The following RAD51B variants were observed in gnomAD, a reference collection of about 807,000 sequenced individuals.
RAD51B encodes the protein DNA repair protein RAD51 homolog 2.
In RAD51B, 38 loss-of-function variants were observed where a neutral mutation model predicts 42.2. The observed-to-expected ratio is 0.90, with a 90% confidence interval of 0.70 to 1.18. RAD51B has a LOEUF of 1.18. Ranked by LOEUF, RAD51B falls within the 50% of genes most tolerant of loss-of-function variation. The probability of loss-of-function intolerance (pLI) is 0.00; values close to 1 mark genes in which losing one functional copy is unlikely to be tolerated. For synonymous variants in RAD51B, 154 were observed against 145.2 expected, an observed-to-expected ratio of 1.06 and a Z score of -0.43; for missense variants, 373 against 400.7, an observed-to-expected ratio of 0.93 and a Z score of 0.59.
At chr14:67,952,424 C>T (rs1254331664) in intron 7 of RAD51B, among the ~76,000 whole-genome samples, 3 of 152,080 alleles carry the variant, frequency 2.0e-5, no homozygotes, top group Non-Finnish European at 2.9e-5. Flanking sequence ...TTAAACCTTG[C>T]CATACACTCT....
intron 7 of RAD51B, among the ~76,000 whole-genome samples, chr14:68,187,248 G>A (rs2079176883): frequency 1.3e-5 from 2 of 152,184 alleles, no homozygotes; most frequent in Admixed American, 1.3e-4. Flanking sequence ...AAAACTAACT[G>A]TTGAGTGCTG....
At chr14:67,827,497 G>A (rs765127745) in intron 3 of RAD51B, among the ~76,000 whole-genome samples, 10 of 151,410 alleles carry the variant, frequency 6.6e-5, no homozygotes, top group East Asian at 3.9e-4. Context: ...TGTAAGTTCC[G>A]GGGTACATGT....
intron 10 of RAD51B, among the ~76,000 whole-genome samples, chr14:68,538,261 G>T (rs1887757531): frequency 6.6e-6 from 1 of 152,208 alleles, no homozygotes; most frequent in African/African-American, 2.4e-5. Context: ...GCCAAGGGGA[G>T]GCTGTTTGAG....
At chr14:67,962,017 A>T (rs2074680279) in intron 7 of RAD51B, among the ~76,000 whole-genome samples, 1 of 152,214 alleles carries the variant, frequency 6.6e-6, no homozygotes, top group Non-Finnish European at 1.5e-5. Flanking sequence ...TCATATTGTT[A>T]AAAAGTGAGT....
chr14:68,449,519 T>TGCTCCAGATCACC (rs550015693), intron 9 of RAD51B, among the ~76,000 whole-genome samples: 67 of 152,162 alleles, frequency 4.4e-4, no homozygotes, highest in Admixed American at 7.9e-4. Flanking sequence ...CTCAGAAAAC[T>TGCTCCAGATCACC]GCTCCAGATC....
intron 10 of RAD51B, among the ~76,000 whole-genome samples, chr14:68,558,977 A>G (rs1433000757): frequency 6.6e-6 from 1 of 151,992 alleles, no homozygotes; most frequent in Non-Finnish European, 1.5e-5. Context: ...ATAGTGTCAT[A>G]TACACACAAA....
chr14:67,901,562 G>C (rs1403529498), intron 7 of RAD51B, among the ~76,000 whole-genome samples: 1 of 152,090 alleles, frequency 6.6e-6, no homozygotes, highest in Non-Finnish European at 1.5e-5. Flanking sequence ...TTCTCTTCCA[G>C]TCTTTGGGAA....
intron 7 of RAD51B, among the ~76,000 whole-genome samples, chr14:68,172,264 T>A (rs2078887775): frequency 6.6e-6 from 1 of 152,202 alleles, no homozygotes; most frequent in Non-Finnish European, 1.5e-5. Flanking sequence ...AGATCCTGTA[T>A]GATTTTCTGT....
intron 4 of RAD51B, among the ~76,000 whole-genome samples, chr14:67,835,653 C>T (rs2041217323): frequency 6.6e-6 from 1 of 151,106 alleles, no homozygotes; most frequent in Non-Finnish European, 1.5e-5. Context: ...GTAATCCCAG[C>T]ACTTTGAGCA....
At chr14:68,529,921 G>A (rs1185991187) in intron 10 of RAD51B, among the ~76,000 whole-genome samples, 2 of 151,856 alleles carry the variant, frequency 1.3e-5, no homozygotes, top group Non-Finnish European at 2.9e-5. Flanking sequence ...AATAAGAATT[G>A]GCAAATATGA....
chr14:68,027,301 A>G (rs116662611), intron 7 of RAD51B, among the ~76,000 whole-genome samples: 1,677 of 152,048 alleles, frequency 0.011, 31 homozygotes, highest in African/African-American at 0.038. Flanking sequence ...ACTTTGGTGA[A>G]TCTGATGTCT....
chr14:67,930,451 A>G (rs1432990662), intron 7 of RAD51B, among the ~76,000 whole-genome samples: 2 of 152,014 alleles, frequency 1.3e-5, no homozygotes, highest in East Asian at 3.9e-4. Flanking sequence ...TTATTTATGA[A>G]GGATAATTTT....
intron 7 of RAD51B, among the ~76,000 whole-genome samples, chr14:67,948,793 A>G (rs986756805): frequency 6.6e-6 from 1 of 151,712 alleles, no homozygotes; most frequent in African/African-American, 2.4e-5. Flanking sequence ...TTAGCCGGGC[A>G]TGGTTGTGGG....
intron 7 of RAD51B, among the ~76,000 whole-genome samples, chr14:67,960,669 T>C (rs2074645405): frequency 6.6e-6 from 1 of 152,176 alleles, no homozygotes. Flanking sequence ...GCCTTTTTTC[T>C]TTCTTTTTCT....
rs772669925 is a variant in RAD51B at position 68,477,671 on chromosome 14, T to C, written c.*7T>C. 6.2e-7 allele frequency: 1 copy of C among 1,612,320 alleles called. No individual in the cohort carries two copies. Among genetic ancestry groups the C allele is most frequent in the East Asian group, 2.2e-5 (1 of 44,858 alleles). ...AGGCCAAGAGAAGCCATAGGGATAC[T>C]GTGACCTTTGTCTAGAGTTGATGGG... is the stretch of plus-strand genomic sequence containing the variant. On this transcript the variant is annotated 3_prime_UTR_variant, in exon 11 of 11. Coordinates refer to ENST00000471583, the MANE Select transcript of RAD51B (RefSeq NM_133510.4).
intron 7 of RAD51B, among the ~76,000 whole-genome samples, chr14:67,934,780 G>A (rs546159265): frequency 1.3e-5 from 2 of 152,338 alleles, no homozygotes; most frequent in South Asian, 4.1e-4. Context: ...GGAATCTGGA[G>A]CATGTTGTTC....
chr14:67,966,423 A>G (rs954029377), intron 7 of RAD51B, among the ~76,000 whole-genome samples: 35 of 152,262 alleles, frequency 2.3e-4, no homozygotes, highest in African/African-American at 8.2e-4. Context: ...CTTTTTATCC[A>G]CATATGATTC....
At chr14:68,540,451 G>T in intron 10 of RAD51B, 1 of 985,268 alleles carries the variant, frequency 1.0e-6, no homozygotes, top group Non-Finnish European at 1.2e-6. Context: ...ACCTTCCCAA[G>T]ATCTTACTCT....
chr14:67,836,158 A>C (rs1404070861), intron 4 of RAD51B, among the ~76,000 whole-genome samples: 5 of 152,170 alleles, frequency 3.3e-5, no homozygotes, highest in African/African-American at 1.2e-4. Context: ...TTAGCTCAGC[A>C]TTGTTGGTGA....
Sources: allele counts gnomAD v4.1 joint callset (sites outside exome capture counted in the v4.1 genomes callset), GRCh38; gene constraint gnomAD v4.1.1; transcripts MANE v1.5; gene names NCBI Gene and HGNC (gene_info 2026-07-23, HGNC 2026-07-21).